Variants in CCSER1 observed in about 807,000 individuals in gnomAD.
The protein encoded by CCSER1 is coiled-coil serine rich protein 1, also known as serine-rich coiled-coil domain-containing protein 1.
CCSER1 carries 41 observed loss-of-function variants against 82.0 expected under a neutral mutation model. That is an observed-to-expected ratio of 0.50 (90% CI 0.39 to 0.65). The LOEUF is 0.65. Ranked by LOEUF, CCSER1 falls within the 30% of genes least tolerant of loss-of-function variation. The pLI is 0.00. For missense variants in CCSER1, 1,119 were observed against 1,064.2 expected (o/e 1.05, Z -0.72); for synonymous variants, 414 against 383.9 (o/e 1.08, Z -0.92).
intron 10 of CCSER1, among the ~76,000 whole-genome samples, chr4:91,507,940 C>G (rs1437363565): frequency 6.6e-6 from 1 of 150,452 alleles, no homozygotes; most frequent in African/African-American, 2.4e-5. Context: ...CACAACATAT[C>G]TGAGCTGGTT....
At chr4:91,441,575 T>C (rs897028305) in intron 10 of CCSER1, among the ~76,000 whole-genome samples, 4 of 152,102 alleles carry the variant, frequency 2.6e-5, no homozygotes, top group East Asian at 1.9e-4. Flanking sequence ...CAGGGATGCC[T>C]TCTCTCACCA....
At chr4:90,635,142 G>A (rs76870653) in intron 6 of CCSER1, among the ~76,000 whole-genome samples, 4,413 of 151,822 alleles carry the variant, frequency 0.029, 203 homozygotes, top group African/African-American at 0.1. Flanking sequence ...ATTTCTTTCT[G>A]TAATTGATAA....
At chr4:90,299,616 ATTG>A (rs951738860) in intron 1 of CCSER1, among the ~76,000 whole-genome samples, 13 of 152,080 alleles carry the variant, frequency 8.5e-5, no homozygotes, top group African/African-American at 3.1e-4. Flanking sequence ...GGCTTTCGTC[ATTG>A]TTGTGGGAGT....
intron 1 of CCSER1, among the ~76,000 whole-genome samples, chr4:90,229,685 A>G (rs2153426568): frequency 6.6e-6 from 1 of 152,332 alleles, no homozygotes; most frequent in East Asian, 1.9e-4. Flanking sequence ...CAAATTGGAT[A>G]AAGAGTCATG....
In CCSER1 at chr4:91,478,131, G is replaced by A. The variant is rs141321924; in HGVS notation, c.2218-120441G>A. Among the ~76,000 whole-genome samples, 276 of 151,846 alleles carry A rather than the reference G, an allele frequency of 1.8e-3. 1 individual carries two copies. Among genetic ancestry groups the A allele is most frequent in the Admixed American group, 0.015 (227 of 15,248 alleles). On this transcript the variant is annotated intron_variant, in intron 10 of 10. Transcript: ENST00000509176. ...GTCATTGTTCAATGTTTCCTGAAAA[G>A]TCTTTCAAAAAAATCTTACTGATCC...
At chr4:90,755,168 T>C (rs1344036758) in intron 7 of CCSER1, among the ~76,000 whole-genome samples, 1 of 152,180 alleles carries the variant, frequency 6.6e-6, no homozygotes, top group Non-Finnish European at 1.5e-5. Flanking sequence ...CTAGAAAATA[T>C]AGTGTGTTAA....
At chr4:90,743,252 C>T (rs928231810) in intron 7 of CCSER1, among the ~76,000 whole-genome samples, 1 of 152,068 alleles carries the variant, frequency 6.6e-6, no homozygotes, top group African/African-American at 2.4e-5. Flanking sequence ...GTGGCTGATA[C>T]ATAGCACAGA....
rs530901128 is a variant in CCSER1, at chr4:90,596,729, A to G, written c.1725-31296A>G. 1.7e-3 allele frequency among the ~76,000 whole-genome samples: 261 copies of G among 151,868 alleles called. 1 individual carries two copies. The highest frequency in any genetic ancestry group is 6.2e-3 in the African/African-American group (255 of 41,426). On this transcript the variant is annotated intron_variant, in intron 5 of 10. Transcript: ENST00000509176. ...CAGATATTTTTTTACCAAAAAAAAG[A>G]CAAACTTAAAAGCCCAAATAATAAT...
At chr4:91,530,774 G>A (rs1159125964) in intron 10 of CCSER1, among the ~76,000 whole-genome samples, 5 of 147,708 alleles carry the variant, frequency 3.4e-5, no homozygotes, top group South Asian at 4.3e-4. Flanking sequence ...CACAACCTCC[G>A]CCTCCCAGGT....
At chr4:91,052,973 G>A (rs1743136819) in intron 9 of CCSER1, among the ~76,000 whole-genome samples, 1 of 151,890 alleles carries the variant, frequency 6.6e-6, no homozygotes, top group Admixed American at 6.6e-5. Flanking sequence ...GAGCTATGTA[G>A]GTGTTCTCCT....
chr4:90,131,565 T>C (rs1377982190), intron 1 of CCSER1, among the ~76,000 whole-genome samples: 1 of 152,188 alleles, frequency 6.6e-6, no homozygotes, highest in Non-Finnish European at 1.5e-5. Flanking sequence ...CATTTTATTC[T>C]TCATATAAAA....
chr4:91,362,921 T>C (rs1053953293), intron 10 of CCSER1, among the ~76,000 whole-genome samples: 1 of 151,724 alleles, frequency 6.6e-6, no homozygotes, highest in Non-Finnish European at 1.5e-5. Context: ...GTACCACTCC[T>C]TGAATACAGG....
At chr4:90,135,223 TC>T (rs1397837000) in intron 1 of CCSER1, among the ~76,000 whole-genome samples, 1 of 152,210 alleles carries the variant, frequency 6.6e-6, no homozygotes, top group Non-Finnish European at 1.5e-5. Context: ...ACAACGTATT[TC>T]TAGTAATTAG....
At chr4:90,890,194 T>C (rs1211919948) in intron 8 of CCSER1, among the ~76,000 whole-genome samples, 2 of 152,156 alleles carry the variant, frequency 1.3e-5, no homozygotes, top group East Asian at 3.9e-4. Context: ...TCATTGAATG[T>C]GACATGACAT....
intron 9 of CCSER1, among the ~76,000 whole-genome samples, chr4:91,035,629 TTCTA>T (rs759593328): frequency 2.2e-4 from 33 of 152,266 alleles, no homozygotes; most frequent in Non-Finnish European, 4.1e-4. Flanking sequence ...AAAACATGGC[TTCTA>T]TCTTTTTTTA....
intron 6 of CCSER1, among the ~76,000 whole-genome samples, chr4:90,691,472 ATG>A (rs912397629): frequency 2.1e-5 from 2 of 94,106 alleles, no homozygotes; most frequent in African/African-American, 6.7e-5. Flanking sequence ...ATATACACAC[ATG>A]TATTATATAT....
intron 7 of CCSER1, among the ~76,000 whole-genome samples, chr4:90,783,703 G>T (rs1754108078): frequency 1.3e-5 from 2 of 152,272 alleles, no homozygotes; most frequent in South Asian, 2.1e-4. Flanking sequence ...CAAGGAGAAA[G>T]AATTCTTACT....
chr4:90,834,406 C>T (rs1761523875), intron 8 of CCSER1, among the ~76,000 whole-genome samples: 2 of 152,144 alleles, frequency 1.3e-5, no homozygotes, highest in African/African-American at 2.4e-5. Flanking sequence ...CTAGATGCTA[C>T]TTGATTTAAT....
At chr4:90,760,645 T>C (rs1298861343) in intron 7 of CCSER1, among the ~76,000 whole-genome samples, 1 of 152,118 alleles carries the variant, frequency 6.6e-6, no homozygotes, top group East Asian at 1.9e-4. Context: ...ATAGAAATGT[T>C]CTATATCATT....
Sources: allele counts gnomAD v4.1 joint callset (sites outside exome capture counted in the v4.1 genomes callset), GRCh38; gene constraint gnomAD v4.1.1; transcripts MANE v1.5; gene names NCBI Gene and HGNC (gene_info 2026-07-23, HGNC 2026-07-21).